The following SSR2 variants were observed in gnomAD, a reference collection of about 807,000 sequenced individuals.
SSR2 encodes the protein signal sequence receptor subunit 2.
SSR2 carries 16 observed loss-of-function variants against 22.6 expected under a neutral mutation model. That is an observed-to-expected ratio of 0.71 (90% confidence interval 0.48 to 1.08). The LOEUF (loss-of-function observed/expected upper bound fraction) is 1.08. SSR2 is among the 50% of genes least tolerant of loss of function. The pLI, the probability that SSR2 is intolerant of heterozygous loss-of-function variation, is 0.00. For missense variants in SSR2, 171 were observed against 221.6 expected (o/e 0.77, Z 1.45); for synonymous variants, 83 against 91.2 (o/e 0.91, Z 0.51).
chr1:156,017,416 C>G (rs11584973), intron 3 of SSR2, among the ~76,000 whole-genome samples: 1 of 152,204 alleles, frequency 6.6e-6, no homozygotes, highest in Non-Finnish European at 1.5e-5. Flanking sequence ...GTGGCGCGAT[C>G]TCAGCTCACT....
chr1:156,020,586 A>G (rs1258323331), intron 1 of SSR2: 3 of 322,002 alleles, frequency 9.3e-6, no homozygotes, highest in Non-Finnish European at 1.8e-5. Context: ...CCACAGCTCT[A>G]TTGGGATCCC....
intron 4 of SSR2, chr1:156,012,633 T>A (rs1332151468): frequency 2.2e-6 from 1 of 448,648 alleles, no homozygotes. Flanking sequence ...TCCATGTAGT[T>A]TATGAAAAAC....
chr1:156,017,968 T>G (rs1260435104), intron 3 of SSR2, among the ~76,000 whole-genome samples: 2 of 151,538 alleles, frequency 1.3e-5, no homozygotes, highest in Non-Finnish European at 2.9e-5. Flanking sequence ...CAGGATGGTC[T>G]CAATCTCTTG....
At chr1:156,011,941 C>T (rs181350740) in intron 4 of SSR2, 54 bp from the exon 5 acceptor site, 11 of 1,420,228 alleles carry the variant, frequency 7.7e-6, no homozygotes, top group African/African-American at 1.4e-5. Context: ...GAAGTTCCAC[C>T]TCATCTACTC....
rs773907939 is a variant in SSR2 at position 156,018,315 on chromosome 1, C to T, written c.209G>A (p.Gly70Asp). ...GACATTGAGCATTCCAGACACAATG[C>T]CAAAGTCTTCTGGAGGGAAGGAATC... ...SDDSFPPEDF[G>D]IVSGMLNVKW... Residue 70 changes from glycine to aspartate, a missense_variant, in exon 3 of 6, where the codon GGC becomes GAC. By Grantham distance (94) the Gly-to-Asp change is moderately conservative (BLOSUM62 -1). Coordinates refer to ENST00000295702, the MANE Select transcript of SSR2 (RefSeq NM_003145.4). The T allele has an allele frequency of 9.9e-6, 16 of 1,614,008 alleles. No homozygotes were observed. Among genetic ancestry groups the T allele is most frequent in the Non-Finnish European group, 1.4e-5 (16 of 1,179,958 alleles).
chr1:156,019,981 G>T, intron 2 of SSR2, 32 bp downstream of exon 2: 2 of 1,600,286 alleles, frequency 1.2e-6, no homozygotes, highest in Non-Finnish European at 1.7e-6. Flanking sequence ...CCAGAAATAG[G>T]CTTAATCTGT....
At chr1:156,019,689 G>A (rs1683117037) in intron 2 of SSR2, among the ~76,000 whole-genome samples, 1 of 152,122 alleles carries the variant, frequency 6.6e-6, no homozygotes, top group African/African-American at 2.4e-5. Context: ...CAGGCTGGAA[G>A]ATGACACTTT....
At chr1:156,018,131 C>A in intron 3 of SSR2, 139 bp downstream of exon 3, 1 of 624,406 alleles carries the variant, frequency 1.6e-6, no homozygotes, top group Non-Finnish European at 2.9e-6. Flanking sequence ...TTTACACCAA[C>A]CTCTCTTGCT....
intron 3 of SSR2, among the ~76,000 whole-genome samples, chr1:156,015,932 C>T (rs1030479496): frequency 6.6e-6 from 1 of 151,942 alleles, no homozygotes; most frequent in Non-Finnish European, 1.5e-5. Context: ...GGTTGGATCA[C>T]CTGAGGTCAG....
intron 4 of SSR2, chr1:156,012,215 G>A (rs1037642965): frequency 3.3e-6 from 1 of 299,532 alleles, no homozygotes; most frequent in Non-Finnish European, 6.5e-6. Context: ...ACTCTGCAAA[G>A]AGTGAAGTTG....
intron 5 of SSR2, 32 bp from the exon 6 acceptor site, chr1:156,009,682 G>GT: frequency 6.6e-7 from 1 of 1,511,818 alleles, no homozygotes; most frequent in Non-Finnish European, 9.1e-7. Flanking sequence ...TTGCTTAGAA[G>GT]TCTGGATTAG....
At position 156,011,841 on chromosome 1, in the gene SSR2, C is replaced by G; in HGVS notation, c.410G>C (p.Arg137Pro). The change falls in exon 5 of 6, where the codon CGG (arginine) becomes CCG (proline). Residue 137 changes from arginine (R) to proline (P), a missense_variant. Transcript: ENST00000295702. The part of the protein sequence containing the change: ...APGQGGILAQ[R>P]EFDRRFSPHF... ...AGGGGAGAATCGCCTGTCAAACTCC[C>G]GCTGAGCCAGGATTCCTCCCTGTCC... is the stretch of plus-strand genomic sequence containing the variant. 4 of 1,614,022 alleles carry G rather than the reference C, an allele frequency of 2.5e-6. No individual in the cohort carries two copies. The highest frequency in any genetic ancestry group is 3.4e-6 in the Non-Finnish European group (4 of 1,179,948).
intron 2 of SSR2, chr1:156,019,160 C>A: frequency 2.9e-6 from 1 of 350,446 alleles, no homozygotes; most frequent in Non-Finnish European, 5.9e-6. Context: ...CTGAAGAATC[C>A]AGGTCAAGGA....
intron 3 of SSR2, among the ~76,000 whole-genome samples, chr1:156,017,281 AGAATAAGAGACTCACT>A (rs1356814459): frequency 2.0e-5 from 3 of 152,248 alleles, no homozygotes; most frequent in South Asian, 2.1e-4. Flanking sequence ...TTGGTAGATT[AGAATAAGAGACTCACT>A]GAATAAGAGA....
intron 4 of SSR2, chr1:156,013,258 T>A (rs1683003651): frequency 6.6e-6 from 1 of 151,964 alleles, no homozygotes; most frequent in Non-Finnish European, 1.5e-5. Flanking sequence ...AAACCCCATT[T>A]CTACTAAAAA....
At chr1:156,020,251 C>T in intron 1 of SSR2, 84 bp from the exon 2 acceptor site, 1 of 1,466,828 alleles carries the variant, frequency 6.8e-7, no homozygotes, top group African/African-American at 1.4e-5. Context: ...CCGTAGAAAG[C>T]TCCTTCGATG....
At chr1:156,011,999 A>C in intron 4 of SSR2, 112 bp from the exon 5 acceptor site, 1 of 720,738 alleles carries the variant, frequency 1.4e-6, no homozygotes, top group Non-Finnish European at 2.4e-6. Context: ...TTAGAGTCTT[A>C]GTTCCCAAAG....
intron 5 of SSR2, chr1:156,010,835 C>T (rs1202034979): frequency 6.6e-6 from 1 of 152,308 alleles, no homozygotes. Context: ...CCATGCTTTT[C>T]TCAATCTCGG....
intron 5 of SSR2, chr1:156,010,225 T>C (rs1428370897): frequency 6.6e-6 from 1 of 152,088 alleles, no homozygotes; most frequent in Admixed American, 6.6e-5. Flanking sequence ...GGCTAATTTT[T>C]TTTTTATTTT....
Sources: allele counts gnomAD v4.1 joint callset (sites outside exome capture counted in the v4.1 genomes callset), GRCh38; gene constraint gnomAD v4.1.1; transcripts MANE v1.5; gene names NCBI Gene and HGNC (gene_info 2026-07-23, HGNC 2026-07-21).